The following TMEM184C variants were observed in gnomAD, a reference collection of about 807,000 sequenced individuals.
The protein encoded by TMEM184C is transmembrane protein 34.
In TMEM184C, 25 loss-of-function variants were observed where a neutral mutation model predicts 54.5. That is an observed-to-expected ratio of 0.46 (90% CI 0.33 to 0.64). TMEM184C has a LOEUF of 0.64. TMEM184C is among the 30% of genes least tolerant of loss of function. TMEM184C has a pLI of 0.02. For missense variants in TMEM184C, 335 were observed against 520.3 expected (o/e 0.64, Z 3.46); for synonymous variants, 148 against 181.5 (o/e 0.82, Z 1.49).
In TMEM184C at chr4:147,617,797, C is replaced by G. The variant is rs1402124698; in HGVS notation, c.-160C>G. On this transcript the variant is annotated 5_prime_UTR_variant, in exon 1 of 10. Coordinates refer to ENST00000296582, the MANE Select transcript of TMEM184C (RefSeq NM_018241.3). ...GCAGAAGCAGCAGCAGCAGAAGACACAGCGCCGGTCCAGGAGGCGGCTCGA... is the reference window on the plus strand; with the variant it reads ...GCAGAAGCAGCAGCAGCAGAAGACAGAGCGCCGGTCCAGGAGGCGGCTCGA... 1.1e-6 allele frequency: 1 copy of G among 945,370 alleles called. No individual in the cohort carries two copies. Among genetic ancestry groups the G allele is most frequent in the African/African-American group, 1.6e-5 (1 of 61,560 alleles). The allele number at this position is 945,370 out of a possible 1,614,324, so 58.6% of individuals were successfully genotyped here.
At position 147,635,772 on chromosome 4, in the gene TMEM184C, A is replaced by ACTC. The variant is rs1266303693; in HGVS notation, c.*1339_*1341dup. The ACTC allele has an allele frequency of 7.2e-5, 11 of 152,088 alleles. No homozygotes were observed. In the East Asian group the frequency reaches 2.2e-3, roughly 30 times the overall value. The allele number at this position is 152,088 out of a possible 1,614,324, so 9.4% of individuals were successfully genotyped here. A position where few individuals can be genotyped will look rare whatever the true frequency, so the allele number is the denominator to read the frequency against. On this transcript the variant is annotated 3_prime_UTR_variant, in exon 10 of 10. Coordinates refer to ENST00000296582, the MANE Select transcript of TMEM184C (RefSeq NM_018241.3). Reference sequence around the variant, plus strand: ...ACACAAAAAAAATCTGTTTGTTAGAACTCAAGTGAATTCAGTAAAGTTGCA... The same window carrying ACTC: ...ACACAAAAAAAATCTGTTTGTTAGAACTCCTCAAGTGAATTCAGTAAAGTTGCA...
intron 4 of TMEM184C, among the ~76,000 whole-genome samples, chr4:147,626,818 G>A (rs1204137742): frequency 6.6e-6 from 1 of 152,178 alleles, no homozygotes; most frequent in African/African-American, 2.4e-5. Context: ...AGAAGGACAG[G>A]AGGCCATGAG....
intron 1 of TMEM184C, among the ~76,000 whole-genome samples, chr4:147,620,370 C>G (rs1732687295): frequency 6.6e-6 from 1 of 152,018 alleles, no homozygotes; most frequent in Admixed American, 6.6e-5. Context: ...TTGGTGGAGA[C>G]AAAAGGGACC....
At chr4:147,631,356 A>G (rs890322424) in intron 6 of TMEM184C, 37 bp from the exon 7 acceptor site, 2 of 1,450,054 alleles carry the variant, frequency 1.4e-6, no homozygotes, top group Admixed American at 2.3e-5. Context: ...TACCATATCT[A>G]TTACTGAACA....
At chr4:147,633,705 C>G in intron 8 of TMEM184C, 60 bp from the exon 9 acceptor site, 21 of 1,349,134 alleles carry the variant, frequency 1.6e-5, no homozygotes, top group Non-Finnish European at 2.0e-5. Context: ...AGAAAGATAG[C>G]ACTCTACAAA....
intron 8 of TMEM184C, 122 bp from the exon 9 acceptor site, chr4:147,633,638 ATAATC>A: frequency 1.3e-6 from 1 of 779,140 alleles, no homozygotes; most frequent in Non-Finnish European, 1.8e-6. Context: ...AAAAATGAAT[ATAATC>A]TGAGAAGAAA....
chr4:147,621,835 A>G (rs1732715209), intron 1 of TMEM184C, among the ~76,000 whole-genome samples: 1 of 152,268 alleles, frequency 6.6e-6, no homozygotes, highest in South Asian at 2.1e-4. Context: ...AACAAAAACA[A>G]CTTTCTTCTT....
chr4:147,623,390 G>A (rs1048408504), intron 1 of TMEM184C, among the ~76,000 whole-genome samples: 2 of 151,198 alleles, frequency 1.3e-5, no homozygotes, highest in East Asian at 1.9e-4. Context: ...AGCCAAGATC[G>A]CGCCGCTGTA....
chr4:147,627,362 C>T (rs1732833640), intron 4 of TMEM184C, among the ~76,000 whole-genome samples: 1 of 152,100 alleles, frequency 6.6e-6, no homozygotes, highest in South Asian at 2.1e-4. Flanking sequence ...GTGATCTCAG[C>T]TCATTGCAAC....
At position 147,632,010 on chromosome 4, in the gene TMEM184C, CT is replaced by C. The variant is rs770783459; in HGVS notation, c.779+506del. ...GCCTGGCCAACATGGCTAGTCTCTA[CT>C]AAAAATACAAAAATCAGCCAGGCAT... On this transcript the variant is annotated intron_variant, in intron 7 of 9. Coordinates refer to ENST00000296582, the MANE Select transcript of TMEM184C (RefSeq NM_018241.3). 1.2e-4 allele frequency among the ~76,000 whole-genome samples: 18 copies of C among 151,926 alleles called. No homozygotes were observed. In the Middle Eastern group the frequency reaches 0.024, roughly 201 times the overall value.
At chr4:147,620,356 G>C (rs1732687190) in intron 1 of TMEM184C, among the ~76,000 whole-genome samples, 1 of 152,138 alleles carries the variant, frequency 6.6e-6, no homozygotes, top group African/African-American at 2.4e-5. Context: ...TACCTCCATA[G>C]AACTTGGTGG....
intron 1 of TMEM184C, 145 bp downstream of exon 1, chr4:147,618,224 T>A (rs1732637128): frequency 8.2e-7 from 1 of 1,213,470 alleles, no homozygotes; most frequent in Non-Finnish European, 1.2e-6. Flanking sequence ...TAAACCTGTC[T>A]AATTTCTTGT....
chr4:147,624,544 T>A (rs902275342), intron 3 of TMEM184C, among the ~76,000 whole-genome samples: 1 of 152,198 alleles, frequency 6.6e-6, no homozygotes, highest in Non-Finnish European at 1.5e-5. Flanking sequence ...ACACAAGTAC[T>A]TACTTTAGCT....
At chr4:147,622,034 G>A (rs905573923) in intron 1 of TMEM184C, among the ~76,000 whole-genome samples, 4 of 149,754 alleles carry the variant, frequency 2.7e-5, no homozygotes, top group African/African-American at 9.9e-5. Flanking sequence ...ACCCAGGCTG[G>A]AGTGCAGTGG....
At chr4:147,624,197 A>G in intron 3 of TMEM184C, 99 bp downstream of exon 3, 1 of 1,023,122 alleles carries the variant, frequency 9.8e-7, no homozygotes, top group East Asian at 2.5e-5. Flanking sequence ...ATTGACAAGG[A>G]GTCAGATTAA....
chr4:147,631,441 C>G lies in TMEM184C; in HGVS notation c.715C>G (p.Leu239Val). 1 of 1,605,000 alleles carries G rather than the reference C, an allele frequency of 6.2e-7. No individual in the cohort carries two copies. Among genetic ancestry groups the G allele is most frequent in the Non-Finnish European group, 8.5e-7 (1 of 1,178,134 alleles). Residue 239 changes from leucine to valine, a missense_variant, in exon 7 of 10, where the codon CTG (leucine) becomes GTG (valine). By Grantham distance (32) the Leu-to-Val change is conservative. Transcript: ENST00000296582. The part of the protein sequence containing the change: ...LLFYKVLKEE[L>V]SPIQPVGKFL... The stretch of plus-strand genomic sequence containing the variant: ...CTTTTATAAAGTACTAAAAGAAGAA[C>G]TGAGCCCAATCCAACCTGTTGGCAA...
rs993824106 is a variant in TMEM184C, at chr4:147,635,118, G to A, written c.*684G>A. On this transcript the variant is annotated 3_prime_UTR_variant, in exon 10 of 10. Transcript: ENST00000296582. ...ATCAGAAAGCATAATGCAGAAATAC[G>A]AATTAGTGGAACTTAATCATGTGCC... The A allele has an allele frequency of 2.0e-5, 3 of 152,196 alleles. No homozygotes were observed. Among genetic ancestry groups the A allele is most frequent in the Non-Finnish European group, 2.9e-5 (2 of 68,016 alleles). 9.4% of individuals were successfully genotyped at this position (152,196 alleles called of 1,614,324 possible).
intron 3 of TMEM184C, 105 bp from the exon 4 acceptor site, chr4:147,624,699 A>G: frequency 3.0e-6 from 3 of 1,010,948 alleles, no homozygotes; most frequent in South Asian, 3.1e-5. Context: ...GTATATGACA[A>G]GACATCTCAA....
At chr4:147,633,129 G>A in intron 8 of TMEM184C, 127 bp downstream of exon 8, 1 of 697,602 alleles carries the variant, frequency 1.4e-6, no homozygotes. Flanking sequence ...TGAGAAAACA[G>A]GGGAACCCTA....
Sources: gnomAD v4.1 joint callset for allele counts (sites outside exome capture counted in the v4.1 genomes callset) on GRCh38, gnomAD v4.1.1 for gene constraint, MANE v1.5 for transcripts, NCBI Gene and HGNC (gene_info 2026-07-23, HGNC 2026-07-21) for gene names.